NHS: variants seen among roughly 807,000 people sequenced by gnomAD.
NHS encodes the protein NHS actin remodeling regulator.
In NHS, 5 loss-of-function variants were observed where a neutral mutation model predicts 72.5. The ratio of observed to expected loss-of-function variants is 0.07; its 90% CI spans 0.04 to 0.14. The LOEUF is 0.14. NHS is among the 10% of genes least tolerant of loss of function. The pLI, the probability that NHS is intolerant of heterozygous loss-of-function variation, is 1.00. For missense variants in NHS, 1,072 were observed against 1,355.7 expected (o/e 0.79, Z 3.29); for synonymous variants, 464 against 547.7 (o/e 0.85, Z 2.13).
At chrX:17,573,958 G>A (rs893731830) in intron 1 of NHS, among the ~76,000 whole-genome samples, 1 of 111,824 alleles carries the variant, frequency 8.9e-6, no homozygotes. Context: ...GTCTGTTGGA[G>A]TTGGCTGGAG....
At chrX:17,647,168 A>T (rs1332250615) in intron 1 of NHS, among the ~76,000 whole-genome samples, 1 of 112,828 alleles carries the variant, frequency 8.9e-6, no homozygotes, top group Admixed American at 9.4e-5. Context: ...AAGCCCAAGC[A>T]TTCACATGCT....
Position 17,727,542 on chromosome X carries a change from A to G in NHS, c.3436A>G (p.Ile1146Val). ...CCTGAAATCTGTTAACCTTAGGTCC[A>G]TCAACAAGTCTGAAGAAGTTAAGCA... ...TILKSVNLRS[I>V]NKSEEVKQKE... Residue 1146 changes from isoleucine (I) to valine (V), a missense_variant, in exon 7 of 9, where the codon ATC becomes GTC. Coordinates refer to ENST00000676302, the MANE Select transcript of NHS (RefSeq NM_001291867.2). The G allele has an allele frequency of 8.3e-7, 1 of 1,212,108 alleles. No homozygotes were observed. The highest frequency in any genetic ancestry group is 1.1e-6 in the Non-Finnish European group (1 of 895,615).
chrX:17,417,091 T>TACACACACACACACACAC (rs753132773), intron 1 of NHS, among the ~76,000 whole-genome samples: 3 of 97,996 alleles, frequency 3.1e-5, no homozygotes, highest in African/African-American at 1.1e-4. Context: ...GAAAACAGAA[T>TACACACACACACACACAC]ACACACACAC....
At chrX:17,493,175 G>T (rs2064998948) in intron 1 of NHS, among the ~76,000 whole-genome samples, 1 of 112,143 alleles carries the variant, frequency 8.9e-6, no homozygotes, top group Non-Finnish European at 1.9e-5. Flanking sequence ...TTCCCTTCCT[G>T]TATTATTTTG....
intron 1 of NHS, among the ~76,000 whole-genome samples, chrX:17,629,171 A>AG (rs997893143): frequency 8.9e-6 from 1 of 112,106 alleles, no homozygotes; most frequent in Non-Finnish European, 1.9e-5. Flanking sequence ...TGAGGGGGAG[A>AG]GGGAGATTGA....
chrX:17,698,114 T>C (rs1366654752), intron 3 of NHS, among the ~76,000 whole-genome samples: 1 of 111,483 alleles, frequency 9.0e-6, no homozygotes, highest in East Asian at 2.8e-4. Flanking sequence ...TTAAAAACTT[T>C]TCAATTTGGC....
At chrX:17,490,200 A>G (rs893994931) in intron 1 of NHS, among the ~76,000 whole-genome samples, 1 of 112,426 alleles carries the variant, frequency 8.9e-6, no homozygotes, top group African/African-American at 3.2e-5. Context: ...GTCTTTGCCC[A>G]TGCCTATGTC....
At chrX:17,712,253 G>GTGTATATATATA (rs1465304467) in intron 3 of NHS, among the ~76,000 whole-genome samples, 3 of 50,151 alleles carry the variant, frequency 6.0e-5, no homozygotes, top group African/African-American at 2.0e-4. Flanking sequence ...TTGTGTGTGT[G>GTGTATATATATA]TATATATATA....
chrX:17,537,388 A>G (rs2065231846), intron 1 of NHS, among the ~76,000 whole-genome samples: 2 of 112,742 alleles, frequency 1.8e-5, no homozygotes, highest in Admixed American at 9.4e-5. Context: ...TTGGATGAGG[A>G]GGAGAAAGCA....
intron 1 of NHS, among the ~76,000 whole-genome samples, chrX:17,465,506 A>G (rs1054821510): frequency 2.0e-4 from 22 of 109,994 alleles, no homozygotes; most frequent in Non-Finnish European, 2.7e-4. Flanking sequence ...ATTTGTGGAG[A>G]TGAATAAAAA....
At chrX:17,660,030 C>G (rs2065975350) in intron 1 of NHS, among the ~76,000 whole-genome samples, 2 of 111,813 alleles carry the variant, frequency 1.8e-5, no homozygotes, top group Non-Finnish European at 3.8e-5. Flanking sequence ...TTTTTAATTT[C>G]CTTTTTAAGT....
chrX:17,377,575 T>G (rs891047280), intron 1 of NHS, among the ~76,000 whole-genome samples: 1 of 113,377 alleles, frequency 8.8e-6, no homozygotes, highest in African/African-American at 3.2e-5. Flanking sequence ...CATCCTTCCC[T>G]GGGGATTTCC....
At chrX:17,432,648 A>G (rs2064699159) in intron 1 of NHS, among the ~76,000 whole-genome samples, 2 of 111,942 alleles carry the variant, frequency 1.8e-5, no homozygotes, top group Admixed American at 9.5e-5. Context: ...TTGTTTTGGT[A>G]TTTCCTGTTA....
In NHS at chrX:17,475,259, C is replaced by A. The variant is rs1023345878; in HGVS notation, c.565+98937C>A. ...AGGAAGCCTGGTCCCAGAGCAGACACGCTGCCCAGATCAATTTAGAAAGAA... is the reference window on the plus strand; with the variant it reads ...AGGAAGCCTGGTCCCAGAGCAGACAAGCTGCCCAGATCAATTTAGAAAGAA... On this transcript the variant is annotated intron_variant, in intron 1 of 8. Transcript: ENST00000676302. Among the ~76,000 whole-genome samples the A allele has an allele frequency of 3.6e-5, 4 of 112,521 alleles. No homozygotes were observed. In the East Asian group the frequency reaches 1.1e-3, roughly 31 times the overall value.
At chrX:17,507,100 T>C (rs1430394630) in intron 1 of NHS, among the ~76,000 whole-genome samples, 3 of 112,760 alleles carry the variant, frequency 2.7e-5, no homozygotes, top group African/African-American at 9.7e-5. Flanking sequence ...TACAATCCCA[T>C]TGGCCAGTCT....
chrX:17,727,553 T>C lies in NHS; in HGVS notation c.3447T>C (p.Ser1149=), dbSNP rs375173275. The part of the protein sequence containing the change: ...KSVNLRSINK[S]EEVKQKEENN... ...TTAACCTTAGGTCCATCAACAAGTC[T>C]GAAGAAGTTAAGCAAAAAGAAGAAA... is the stretch of plus-strand genomic sequence containing the variant. The change falls in exon 7 of 9, where the codon TCT becomes TCC. Residue 1149 remains serine, a synonymous_variant. Coordinates refer to ENST00000676302, the MANE Select transcript of NHS (RefSeq NM_001291867.2). The C allele has an allele frequency of 8.3e-7, 1 of 1,210,198 alleles. No homozygotes were observed. The highest frequency in any genetic ancestry group is 1.1e-6 in the Non-Finnish European group (1 of 895,325).
intron 1 of NHS, among the ~76,000 whole-genome samples, chrX:17,433,636 GA>G (rs1217258497): frequency 2.7e-5 from 3 of 111,506 alleles, no homozygotes; most frequent in Non-Finnish European, 5.6e-5. Flanking sequence ...CACCTGAAAG[GA>G]TCCCTGCACT....
chrX:17,506,565 A>ATAAGTAAG (rs371856730), intron 1 of NHS, among the ~76,000 whole-genome samples: 30 of 101,877 alleles, frequency 2.9e-4, no homozygotes, highest in Admixed American at 1.3e-3. Flanking sequence ...AAATAAATAA[A>ATAAGTAAG]TAAGTAAATA....
At chrX:17,704,829 G>A (rs1466972281) in intron 3 of NHS, among the ~76,000 whole-genome samples, 3 of 111,955 alleles carry the variant, frequency 2.7e-5, no homozygotes, top group Non-Finnish European at 3.8e-5. Flanking sequence ...CACAGCTTGG[G>A]GTGCCACGTG....
Sources: allele counts gnomAD v4.1 joint callset (sites outside exome capture counted in the v4.1 genomes callset), GRCh38; gene constraint gnomAD v4.1.1; transcripts MANE v1.5; gene names NCBI Gene and HGNC (gene_info 2026-07-23, HGNC 2026-07-21).